Variants in DPYD observed in about 807,000 individuals in gnomAD.
DPYD encodes the protein dihydropyrimidine dehydrogenase [NADP(+)].
In DPYD, 109 loss-of-function variants were observed where a neutral mutation model predicts 116.2. The observed-to-expected ratio is 0.94, with a 90% confidence interval of 0.80 to 1.10. The LOEUF is 1.10. Among genes scored for constraint, DPYD ranks in the 50% least tolerant of loss-of-function variants. The probability of loss-of-function intolerance (pLI) is 0.00; values close to 1 mark genes in which losing one functional copy is unlikely to be tolerated. For missense variants in DPYD, 1,302 were observed against 1,254.5 expected (o/e 1.04, Z -0.57); for synonymous variants, 440 against 432.0 (o/e 1.02, Z -0.23).
intron 21 of DPYD, among the ~76,000 whole-genome samples, chr1:97,087,512 C>T (rs1446311107): frequency 2.0e-5 from 3 of 152,058 alleles, no homozygotes; most frequent in East Asian, 1.9e-4. Context: ...GATGGAATAG[C>T]GGCAAGTGAG....
chr1:97,197,866 T>C (rs894971124), intron 19 of DPYD, among the ~76,000 whole-genome samples: 33 of 152,280 alleles, frequency 2.2e-4, no homozygotes, highest in Non-Finnish European at 5.9e-5. Flanking sequence ...ACTGGGATAG[T>C]GTGCAATGCT....
At chr1:97,588,187 T>G (rs1003791452) in intron 10 of DPYD, among the ~76,000 whole-genome samples, 1 of 152,120 alleles carries the variant, frequency 6.6e-6, no homozygotes, top group African/African-American at 2.4e-5. Context: ...AAAACTGACA[T>G]ACCAAAGTTA....
intron 4 of DPYD, among the ~76,000 whole-genome samples, chr1:97,740,181 A>G (rs1664182910): frequency 6.6e-6 from 1 of 152,176 alleles, no homozygotes; most frequent in African/African-American, 2.4e-5. Context: ...ACTAATTTTC[A>G]AAACAAAAAA....
chr1:97,466,968 T>C (rs1029420092), intron 13 of DPYD, among the ~76,000 whole-genome samples: 5 of 151,976 alleles, frequency 3.3e-5, no homozygotes, highest in Non-Finnish European at 5.9e-5. Flanking sequence ...AGCCCAAGCA[T>C]GGAAATAAAG....
At chr1:97,829,666 C>G (rs907639163) in intron 2 of DPYD, among the ~76,000 whole-genome samples, 8 of 152,052 alleles carry the variant, frequency 5.3e-5, no homozygotes, top group Admixed American at 3.9e-4. Flanking sequence ...AAAAAATACA[C>G]ATAATTTTTT....
chr1:97,179,249 C>G (rs569247526), intron 20 of DPYD, among the ~76,000 whole-genome samples: 3 of 152,162 alleles, frequency 2.0e-5, no homozygotes, highest in Non-Finnish European at 4.4e-5. Context: ...TTTTATTTTC[C>G]TAGGAGGACT....
chr1:97,266,608 C>T (rs1057507671), intron 18 of DPYD, among the ~76,000 whole-genome samples: 3 of 151,974 alleles, frequency 2.0e-5, no homozygotes, highest in South Asian at 2.1e-4. Context: ...TATACATGTG[C>T]CATGTTGGTT....
chr1:97,567,071 A>C (rs1238203938), intron 11 of DPYD, among the ~76,000 whole-genome samples: 1 of 152,140 alleles, frequency 6.6e-6, no homozygotes, highest in Non-Finnish European at 1.5e-5. Context: ...CACATTTGAA[A>C]AATTCTTGAA....
At chr1:97,177,094 A>G (rs1657333600) in intron 20 of DPYD, among the ~76,000 whole-genome samples, 2 of 152,074 alleles carry the variant, frequency 1.3e-5, no homozygotes, top group Non-Finnish European at 2.9e-5. Context: ...CTATAATTGC[A>G]ATTATCACAC....
rs1015947190 is a variant in DPYD, at chr1:97,545,728, C to T, written c.1524+3832G>A. On this transcript the variant is annotated intron_variant, in intron 12 of 22. Coordinates refer to ENST00000370192, the MANE Select transcript of DPYD (RefSeq NM_000110.4). ...CCAACTAATAGTAATGGCCCCGAAC[C>T]GTGAAGAAAGGGAATTTCGTGCTCC... 1.9e-5 allele frequency: 25 copies of T among 1,319,922 alleles called. No individual in the cohort carries two copies. In the South Asian group the frequency reaches 2.2e-4, roughly 12 times the overall value. The allele number at this position is 1,319,922 out of a possible 1,614,324, so 81.8% of individuals were successfully genotyped here.
intron 2 of DPYD, chr1:97,855,721 T>A (rs913395294): frequency 4.6e-5 from 7 of 152,062 alleles, no homozygotes; most frequent in African/African-American, 7.2e-5. Flanking sequence ...ATCAGAACAA[T>A]GAAGAACAAC....
intron 13 of DPYD, among the ~76,000 whole-genome samples, chr1:97,510,995 C>A (rs149346676): frequency 9.9e-5 from 15 of 151,938 alleles, no homozygotes; most frequent in Middle Eastern, 3.4e-3. Context: ...TTGCTATATG[C>A]CCCACATGAG....
chr1:97,682,627 T>A (rs1660487715), intron 7 of DPYD, among the ~76,000 whole-genome samples: 1 of 152,184 alleles, frequency 6.6e-6, no homozygotes, highest in African/African-American at 2.4e-5. Context: ...CAACTACAGC[T>A]ATCAGGAACA....
rs1187802836 is a variant in DPYD, at chr1:97,150,184, C to G, written c.2622+42885G>C. Among the ~76,000 whole-genome samples the G allele has an allele frequency of 2.6e-5, 4 of 152,022 alleles. No homozygotes were observed. The East Asian group carries it at 7.7e-4, about 29-fold the overall frequency. On this transcript the variant is annotated intron_variant, in intron 20 of 22. Transcript: ENST00000370192. Reference sequence around the variant, plus strand: ...TTCTCACAGAACGCTTCCCTGATACCCAAATTAAAGTAGCTCCACATTCTC... The same window carrying G: ...TTCTCACAGAACGCTTCCCTGATACGCAAATTAAAGTAGCTCCACATTCTC...
intron 16 of DPYD, among the ~76,000 whole-genome samples, chr1:97,308,954 T>C (rs912698081): frequency 4.6e-5 from 7 of 151,958 alleles, no homozygotes; most frequent in African/African-American, 1.7e-4. Flanking sequence ...ACTGCTCTAT[T>C]TCTGGGCACT....
intron 8 of DPYD, among the ~76,000 whole-genome samples, chr1:97,638,723 G>C (rs1657709902): frequency 6.6e-6 from 1 of 152,036 alleles, no homozygotes; most frequent in Non-Finnish European, 1.5e-5. Flanking sequence ...AGGGGGAGCT[G>C]GTATGTCACA....
At chr1:97,101,612 A>G (rs1325655022) in intron 20 of DPYD, among the ~76,000 whole-genome samples, 1 of 151,978 alleles carries the variant, frequency 6.6e-6, no homozygotes, top group Non-Finnish European at 1.5e-5. Context: ...TTTAGTTCAA[A>G]TCTCTGCCTG....
chr1:97,371,226 G>A (rs1427734414), intron 16 of DPYD, among the ~76,000 whole-genome samples: 1 of 152,204 alleles, frequency 6.6e-6, no homozygotes, highest in Non-Finnish European at 1.5e-5. Context: ...AGAGAGGAAT[G>A]TGTACTGAAC....
At chr1:97,715,943 C>T (rs2101013330) in intron 5 of DPYD, among the ~76,000 whole-genome samples, 1 of 152,196 alleles carries the variant, frequency 6.6e-6, no homozygotes, top group Middle Eastern at 3.4e-3. Flanking sequence ...TTAAGAATTT[C>T]AGTGACTGCC....
Sources: allele counts gnomAD v4.1 joint callset (sites outside exome capture counted in the v4.1 genomes callset), GRCh38; gene constraint gnomAD v4.1.1; transcripts MANE v1.5; gene names NCBI Gene and HGNC (gene_info 2026-07-23, HGNC 2026-07-21).